C1orf21: variants seen among roughly 807,000 people sequenced by gnomAD.
C1orf21 encodes the protein uncharacterized protein C1orf21.
Under a neutral mutation model 18.7 loss-of-function variants are expected in C1orf21, and 3 were observed. The ratio of observed to expected loss-of-function variants is 0.16; its 90% CI spans 0.07 to 0.42. C1orf21 has a LOEUF of 0.42. Ranked by LOEUF, C1orf21 falls within the 10% of genes least tolerant of loss-of-function variation. The probability of loss-of-function intolerance (pLI) is 0.99; values close to 1 mark genes in which losing one functional copy is unlikely to be tolerated. For synonymous variants in C1orf21, 41 were observed against 46.4 expected (o/e 0.88, Z 0.47); for missense variants, 104 against 143.6 (o/e 0.72, Z 1.41).
intron 1 of C1orf21, among the ~76,000 whole-genome samples, chr1:184,430,113 CAAA>C (rs34368090): frequency 9.3e-4 from 93 of 100,300 alleles, no homozygotes; most frequent in East Asian, 5.0e-3. Flanking sequence ...CTCCGTCTCA[CAAA>C]AAAAAAAAAA....
At chr1:184,550,104 A>T (rs1658791072) in intron 3 of C1orf21, among the ~76,000 whole-genome samples, 1 of 152,236 alleles carries the variant, frequency 6.6e-6, no homozygotes, top group Admixed American at 6.5e-5. Context: ...TCATGATGTG[A>T]CAAAATGTAG....
At chr1:184,487,332 G>T (rs1657747316) in intron 2 of C1orf21, among the ~76,000 whole-genome samples, 1 of 152,202 alleles carries the variant, frequency 6.6e-6, no homozygotes, top group Admixed American at 6.5e-5. Context: ...CTTTACATGT[G>T]ACTGGTTATT....
chr1:184,396,219 A>C (rs189199327), intron 1 of C1orf21, among the ~76,000 whole-genome samples: 14 of 152,328 alleles, frequency 9.2e-5, no homozygotes, highest in Admixed American at 7.8e-4. Flanking sequence ...TCACTGAAAG[A>C]TTATAAAGAG....
chr1:184,500,928 T>C (rs148753734), intron 2 of C1orf21, among the ~76,000 whole-genome samples: 33 of 152,280 alleles, frequency 2.2e-4, no homozygotes, highest in Non-Finnish European at 3.8e-4. Context: ...CCTTCTTCCC[T>C]CTTGAGACTT....
chr1:184,393,948 A>G (rs761623989), intron 1 of C1orf21, among the ~76,000 whole-genome samples: 13 of 152,286 alleles, frequency 8.5e-5, no homozygotes, highest in Middle Eastern at 3.4e-3. Context: ...TTATAAATTC[A>G]TGGGACACAT....
At chr1:184,558,038 T>C (rs1368677466) in intron 3 of C1orf21, among the ~76,000 whole-genome samples, 1 of 152,152 alleles carries the variant, frequency 6.6e-6, no homozygotes, top group Non-Finnish European at 1.5e-5. Flanking sequence ...GTATGCAAAG[T>C]CTCATTTATA....
At chr1:184,409,990 T>G (rs1205408455) in intron 1 of C1orf21, among the ~76,000 whole-genome samples, 1 of 152,226 alleles carries the variant, frequency 6.6e-6, no homozygotes, top group Non-Finnish European at 1.5e-5. Context: ...ACATGCTCTG[T>G]GGAGAAGAAA....
chr1:184,512,453 C>G (rs1430007408), intron 3 of C1orf21, among the ~76,000 whole-genome samples: 1 of 152,148 alleles, frequency 6.6e-6, no homozygotes, highest in Non-Finnish European at 1.5e-5. Flanking sequence ...TGGAGAAGAT[C>G]GTGCTGGTTT....
chr1:184,462,003 A>G (rs1448151854), intron 1 of C1orf21, among the ~76,000 whole-genome samples: 3 of 152,194 alleles, frequency 2.0e-5, no homozygotes, highest in Non-Finnish European at 4.4e-5. Context: ...TTACAGTGAG[A>G]TGGATGAGCT....
intron 1 of C1orf21, among the ~76,000 whole-genome samples, chr1:184,400,684 TTGTTGTTG>T (rs1363557767): frequency 9.3e-6 from 1 of 107,550 alleles, no homozygotes; most frequent in South Asian, 2.6e-4. Flanking sequence ...GAATTTTTTG[TTGTTGTTG>T]TTGTTGTTGT....
intron 3 of C1orf21, among the ~76,000 whole-genome samples, chr1:184,582,363 T>C (rs1659286777): frequency 6.6e-6 from 1 of 152,288 alleles, no homozygotes; most frequent in Non-Finnish European, 1.5e-5. Context: ...TTTTTCTAGT[T>C]TTCATGTGCT....
At chr1:184,461,144 G>T (rs1423825423) in intron 1 of C1orf21, among the ~76,000 whole-genome samples, 1 of 152,102 alleles carries the variant, frequency 6.6e-6, no homozygotes, top group Non-Finnish European at 1.5e-5. Flanking sequence ...TTCCTTCTAG[G>T]CAGTGTGTTG....
intron 5 of C1orf21, among the ~76,000 whole-genome samples, chr1:184,615,817 T>A (rs1160355500): frequency 1.3e-5 from 2 of 152,222 alleles, no homozygotes; most frequent in African/African-American, 2.4e-5. Flanking sequence ...AAATGGCATA[T>A]AGTAATTGTA....
intron 4 of C1orf21, among the ~76,000 whole-genome samples, chr1:184,596,197 T>C (rs1322413702): frequency 6.6e-6 from 1 of 152,112 alleles, no homozygotes; most frequent in Admixed American, 6.5e-5. Flanking sequence ...TTTCATGTTG[T>C]GGTATTTAAA....
chr1:184,570,710 A>C (rs1296574734), intron 3 of C1orf21, among the ~76,000 whole-genome samples: 1 of 152,218 alleles, frequency 6.6e-6, no homozygotes, highest in Non-Finnish European at 1.5e-5. Context: ...AAAATAATGC[A>C]ACTGAGTGCT....
chr1:184,451,492 A>G (rs1657122761), intron 1 of C1orf21, among the ~76,000 whole-genome samples: 1 of 131,290 alleles, frequency 7.6e-6, no homozygotes, highest in Admixed American at 8.0e-5. Context: ...TTTTGGAGAG[A>G]CAGGGTCTCA....
At chr1:184,392,989 G>A (rs561594348) in intron 1 of C1orf21, among the ~76,000 whole-genome samples, 1 of 151,838 alleles carries the variant, frequency 6.6e-6, no homozygotes, top group South Asian at 2.1e-4. Flanking sequence ...CCATACACCT[G>A]GAGAGTTTTT....
chr1:184,472,390 C>T (rs1413212235), intron 1 of C1orf21, among the ~76,000 whole-genome samples: 2 of 152,042 alleles, frequency 1.3e-5, no homozygotes, highest in Non-Finnish European at 2.9e-5. Flanking sequence ...TTCTTTTTGG[C>T]CTAGAATTTC....
chr1:184,515,169 T>C (rs1365183932), intron 3 of C1orf21, among the ~76,000 whole-genome samples: 1 of 152,200 alleles, frequency 6.6e-6, no homozygotes, highest in Non-Finnish European at 1.5e-5. Context: ...TTACTTTTAT[T>C]AGTGGAGTTG....
Sources: gnomAD v4.1 joint callset for allele counts (sites outside exome capture counted in the v4.1 genomes callset) on GRCh38, gnomAD v4.1.1 for gene constraint, MANE v1.5 for transcripts, NCBI Gene and HGNC (gene_info 2026-07-23, HGNC 2026-07-21) for gene names.